Variants in SKAP1 observed in about 807,000 individuals in gnomAD.
SKAP1 encodes src kinase-associated phosphoprotein 1.
SKAP1 carries 44 observed loss-of-function variants against 58.5 expected under a neutral mutation model. The ratio of observed to expected loss-of-function variants is 0.75; its 90% confidence interval spans 0.59 to 0.97. The LOEUF is 0.97. SKAP1 is among the 50% of genes least tolerant of loss of function. The pLI is 0.00. For synonymous variants in SKAP1, 127 were observed against 149.7 expected (o/e 0.85, Z 1.11); for missense variants, 390 against 435.2 (o/e 0.90, Z 0.92).
chr17:48,207,627 G>A (rs1214617651), intron 4 of SKAP1, among the ~76,000 whole-genome samples: 2 of 151,728 alleles, frequency 1.3e-5, no homozygotes, highest in Admixed American at 6.6e-5. Context: ...TATACCATAC[G>A]TCTAATTTGC....
chr17:48,353,156 T>C (rs1224181215), intron 3 of SKAP1, among the ~76,000 whole-genome samples: 2 of 152,186 alleles, frequency 1.3e-5, no homozygotes, highest in African/African-American at 4.8e-5. Context: ...TGTAGTAATT[T>C]TTTCAAAATA....
rs1028795002 is a variant in SKAP1, at chr17:48,232,800, G to T, written c.281-43300C>A. ...GATAGTGCCTGACAAAAGACCGTTAGTAGGACTCCCATGGGGACACTGCCT... is the reference window on the plus strand; with the variant it reads ...GATAGTGCCTGACAAAAGACCGTTATTAGGACTCCCATGGGGACACTGCCT... On this transcript the variant is annotated intron_variant, in intron 4 of 12. Coordinates refer to ENST00000336915, the MANE Select transcript of SKAP1 (RefSeq NM_003726.4). 1.4e-4 allele frequency among the ~76,000 whole-genome samples: 21 copies of T among 152,314 alleles called. No individual in the cohort carries two copies. The East Asian group carries it at 3.1e-3, about 22-fold the overall frequency.
chr17:48,370,550 G>A (rs1027003138), intron 2 of SKAP1, among the ~76,000 whole-genome samples: 6 of 152,062 alleles, frequency 3.9e-5, no homozygotes, highest in South Asian at 4.1e-4. Context: ...GCCCGCCTCA[G>A]CCACCCAAAG....
At chr17:48,375,318 C>T (rs1260150035) in intron 2 of SKAP1, among the ~76,000 whole-genome samples, 1 of 144,292 alleles carries the variant, frequency 6.9e-6, no homozygotes, top group Non-Finnish European at 1.6e-5. Flanking sequence ...AACTCATCAC[C>T]TGCTCCCCCA....
intron 4 of SKAP1, among the ~76,000 whole-genome samples, chr17:48,340,418 C>G (rs528563469): frequency 2.0e-5 from 3 of 151,802 alleles, no homozygotes; most frequent in Non-Finnish European, 4.4e-5. Flanking sequence ...TTCACACAGT[C>G]CTCTCAGGAG....
intron 4 of SKAP1, among the ~76,000 whole-genome samples, chr17:48,254,564 T>A (rs1259571873): frequency 1.3e-5 from 2 of 151,756 alleles, no homozygotes; most frequent in Admixed American, 6.6e-5. Flanking sequence ...CACACTACAA[T>A]ATATTATAGC....
At chr17:48,363,878 C>A in intron 2 of SKAP1, 64 bp from the exon 3 acceptor site, 1 of 1,424,976 alleles carries the variant, frequency 7.0e-7, no homozygotes. Context: ...TTTTGGTTGG[C>A]CTACCATAGC....
rs372685297 is a variant in SKAP1 at position 48,390,709 on chromosome 17, CTT to C, written c.152+5969_152+5970del. On this transcript the variant is annotated intron_variant, in intron 2 of 12. Transcript: ENST00000336915. ...TCACAATCCCAAACTCCTTTTCACT[CTT>C]GATTGAGGAGCTCAGTACTGGGAAG... is the stretch of plus-strand genomic sequence containing the variant. Among the ~76,000 whole-genome samples, 126 of 152,310 alleles carry C rather than the reference CTT, an allele frequency of 8.3e-4. 1 individual carries two copies. In the East Asian group the frequency reaches 0.018, roughly 22 times the overall value.
At chr17:48,396,556 T>G in intron 2 of SKAP1, 124 bp downstream of exon 2, 1 of 560,130 alleles carries the variant, frequency 1.8e-6, no homozygotes. Flanking sequence ...CAGTAAATAT[T>G]TATTAAGTTT....
At chr17:48,441,863 T>C in the SKAP1 span, among the ~76,000 whole-genome samples, 1 of 152,176 alleles carries the variant, frequency 6.6e-6, no homozygotes, top group African/African-American at 2.4e-5. Flanking sequence ...CAACTATAAA[T>C]GAGGAAATAA....
At chr17:48,427,479 G>A (rs1412197850) in intron 1 of SKAP1, among the ~76,000 whole-genome samples, 1 of 151,984 alleles carries the variant, frequency 6.6e-6, no homozygotes, top group Non-Finnish European at 1.5e-5. Context: ...ATTTTTAGAA[G>A]TGAGGTTTCT....
At chr17:48,406,748 T>C (rs147540414) in intron 1 of SKAP1, among the ~76,000 whole-genome samples, 1 of 152,184 alleles carries the variant, frequency 6.6e-6, no homozygotes, top group Non-Finnish European at 1.5e-5. Context: ...GCATTTTTAG[T>C]AGAGACGAGG....
At chr17:48,289,705 T>A (rs1181561438) in intron 4 of SKAP1, among the ~76,000 whole-genome samples, 1 of 152,106 alleles carries the variant, frequency 6.6e-6, no homozygotes, top group African/African-American at 2.4e-5. Context: ...CCTATTATGT[T>A]GTAATCTGTA....
intron 4 of SKAP1, among the ~76,000 whole-genome samples, chr17:48,229,586 A>G (rs2065105666): frequency 1.3e-5 from 2 of 152,090 alleles, no homozygotes; most frequent in Non-Finnish European, 2.9e-5. Flanking sequence ...ATGCCACTGC[A>G]CTCCAGCCTG....
At chr17:48,256,999 T>C (rs1023553424) in intron 4 of SKAP1, among the ~76,000 whole-genome samples, 13 of 152,078 alleles carry the variant, frequency 8.5e-5, no homozygotes, top group African/African-American at 2.7e-4. Context: ...TCTACTTGAT[T>C]AAGCACAAGG....
At chr17:48,195,514 T>A (rs543476898) in intron 4 of SKAP1, among the ~76,000 whole-genome samples, 91 of 152,322 alleles carry the variant, frequency 6.0e-4, no homozygotes, top group Non-Finnish European at 1.1e-3. Flanking sequence ...TAGTAATAGA[T>A]TTAGCATCTA....
intron 4 of SKAP1, among the ~76,000 whole-genome samples, chr17:48,229,980 T>A (rs2065109575): frequency 6.6e-6 from 1 of 152,164 alleles, no homozygotes; most frequent in South Asian, 2.1e-4. Flanking sequence ...CAAAACTTAG[T>A]TTCAAAATTC....
intron 1 of SKAP1, among the ~76,000 whole-genome samples, chr17:48,407,950 TA>T (rs964600380): frequency 2.0e-5 from 3 of 151,218 alleles, no homozygotes; most frequent in Admixed American, 6.6e-5. Context: ...CAGTAAATGA[TA>T]AACCATTAGT....
intron 11 of SKAP1, among the ~76,000 whole-genome samples, chr17:48,144,177 G>A (rs1011907589): frequency 1.3e-5 from 2 of 152,200 alleles, no homozygotes; most frequent in African/African-American, 4.8e-5. Flanking sequence ...TGCTGTGGGA[G>A]CCTGGGAGCT....
Sources: gnomAD v4.1 joint callset for allele counts (sites outside exome capture counted in the v4.1 genomes callset) on GRCh38, gnomAD v4.1.1 for gene constraint, MANE v1.5 for transcripts, NCBI Gene and HGNC (gene_info 2026-07-23, HGNC 2026-07-21) for gene names.